TECTA: variants seen among roughly 807,000 people sequenced by gnomAD.
TECTA encodes the protein alpha-tectorin.
A neutral mutation model predicts 216.8 loss-of-function variants in TECTA; 128 were observed. That is an observed-to-expected ratio of 0.59 (90% CI 0.51 to 0.68). The LOEUF is 0.68. Ranked by LOEUF, TECTA falls within the 30% of genes least tolerant of loss-of-function variation. TECTA has a pLI of 0.00. For synonymous variants in TECTA, 1,089 were observed against 1,117.1 expected (o/e 0.97, Z 0.50); for missense variants, 2,551 against 2,786.2 (o/e 0.92, Z 1.90).
At chr11:121,180,372 G>C (rs1947214511) in intron 20 of TECTA, among the ~76,000 whole-genome samples, 1 of 152,154 alleles carries the variant, frequency 6.6e-6, no homozygotes, top group African/African-American at 2.4e-5. Context: ...CATTTTTGAA[G>C]GATAGCTTTG....
chr11:121,139,288 C>G (rs1946760854), intron 11 of TECTA, among the ~76,000 whole-genome samples: 1 of 152,256 alleles, frequency 6.6e-6, no homozygotes, highest in East Asian at 1.9e-4. Flanking sequence ...AAAGTGTTCT[C>G]ACTTCTAATC....
intron 6 of TECTA, among the ~76,000 whole-genome samples, chr11:121,114,393 C>T (rs374684371): frequency 7.6e-4 from 115 of 152,302 alleles, no homozygotes; most frequent in African/African-American, 2.6e-3. Context: ...TTTAGATGTG[C>T]AAACTCACCA....
At chr11:121,144,111 A>G (rs1271518353) in intron 11 of TECTA, among the ~76,000 whole-genome samples, 1 of 152,166 alleles carries the variant, frequency 6.6e-6, no homozygotes, top group Non-Finnish European at 1.5e-5. Flanking sequence ...GGAATGTCAC[A>G]GCTTGGTTCA....
intron 7 of TECTA, among the ~76,000 whole-genome samples, chr11:121,119,562 A>G (rs994175768): frequency 1.3e-5 from 2 of 152,226 alleles, no homozygotes; most frequent in Admixed American, 1.3e-4. Context: ...CCTTGTTGCA[A>G]CCGTGTATTT....
intron 21 of TECTA, 139 bp downstream of exon 21, chr11:121,188,133 C>A: frequency 2.3e-6 from 2 of 853,742 alleles, no homozygotes; most frequent in Non-Finnish European, 3.7e-6. Context: ...TTTGATGGGA[C>A]AGTGAGAGAA....
chr11:121,109,280 A>C lies in TECTA; in HGVS notation c.268A>C (p.Thr90Pro). 6.2e-7 allele frequency: 1 copy of C among 1,614,164 alleles called. No individual in the cohort carries two copies. Among genetic ancestry groups the C allele is most frequent in the Non-Finnish European group, 8.5e-7 (1 of 1,180,018 alleles). Reference protein sequence around the residue: ...SQFTPESFPLTDGRAFVAPFW... With the variant: ...SQFTPESFPLPDGRAFVAPFW... ...GTTCACGCCAGAATCCTTTCCCCTGACAGATGGGAGAGCCTTCGTCGCCCC... is the reference window on the plus strand; with the variant it reads ...GTTCACGCCAGAATCCTTTCCCCTGCCAGATGGGAGAGCCTTCGTCGCCCC... The change falls in exon 4 of 24, where the codon ACA (threonine) becomes CCA (proline). Residue 90 changes from threonine to proline, a missense_variant. Transcript: ENST00000392793.
intron 11 of TECTA, among the ~76,000 whole-genome samples, chr11:121,139,103 T>C (rs1221152334): frequency 6.6e-6 from 1 of 152,226 alleles, no homozygotes; most frequent in Non-Finnish European, 1.5e-5. Flanking sequence ...TTCATGTTTA[T>C]TGGAAGTCTG....
chr11:121,170,072 T>A (rs1591465171), intron 20 of TECTA, among the ~76,000 whole-genome samples: 2 of 152,208 alleles, frequency 1.3e-5, no homozygotes, highest in Non-Finnish European at 1.5e-5. Context: ...ATCAACTTTT[T>A]AAGCTCCCAC....
intron 20 of TECTA, among the ~76,000 whole-genome samples, chr11:121,171,411 C>T (rs1210772230): frequency 6.6e-6 from 1 of 151,982 alleles, no homozygotes; most frequent in Non-Finnish European, 1.5e-5. Flanking sequence ...TATTCAGGGT[C>T]TATTGTGGCT....
chr11:121,109,080 T>G, intron 3 of TECTA, 131 bp from the exon 4 acceptor site: 4 of 959,366 alleles, frequency 4.2e-6, no homozygotes, highest in Non-Finnish European at 6.3e-6. Flanking sequence ...AACCCGGTGT[T>G]TGGGGGTTCT....
intron 10 of TECTA, 116 bp from the exon 11 acceptor site, chr11:121,137,305 C>G: frequency 7.3e-7 from 1 of 1,367,328 alleles, no homozygotes. Flanking sequence ...CATGCATGCA[C>G]ACACGCACAT....
chr11:121,111,916 G>A (rs1946445847), intron 4 of TECTA, among the ~76,000 whole-genome samples: 1 of 152,194 alleles, frequency 6.6e-6, no homozygotes, highest in African/African-American at 2.4e-5. Flanking sequence ...AAAAAGGGCT[G>A]TTCTTACTCA....
chr11:121,189,518 T>C (rs1477367461), intron 22 of TECTA, among the ~76,000 whole-genome samples: 3 of 151,978 alleles, frequency 2.0e-5, no homozygotes, highest in African/African-American at 7.2e-5. Flanking sequence ...GGACTACAGG[T>C]GCCCGCCCCC....
Position 121,162,341 on chromosome 11 carries a change from G to A in TECTA, c.5243G>A (p.Ser1748Asn). The change falls in exon 16 of 24, where the codon AGC becomes AAC. Residue 1748 changes from serine to asparagine, a missense_variant. Ser to Asn is a conservative substitution (Grantham distance 46). Around this residue, in one of 3 missense-constraint regions of TECTA, gnomAD observed 2,375 missense variants for 2,563.9 expected, o/e 0.93. Coordinates refer to ENST00000392793, the MANE Select transcript of TECTA (RefSeq NM_005422.4). ...GCCTGCCGCTCCTTCGGGATCCTTA[G>A]CACCGAGTGGATTGAGAAGGAGAAT... ...GEACRSFGIL[S>N]TEWIEKENCS... 1 of 1,613,524 alleles carries A rather than the reference G, an allele frequency of 6.2e-7. No homozygotes were observed. Among genetic ancestry groups the A allele is most frequent in the Non-Finnish European group, 8.5e-7 (1 of 1,180,048 alleles).
intron 10 of TECTA, 101 bp from the exon 11 acceptor site, chr11:121,137,320 T>G: frequency 6.6e-7 from 1 of 1,506,148 alleles, no homozygotes; most frequent in Non-Finnish European, 9.2e-7. Flanking sequence ...GCACATGCAC[T>G]CACAAACACA....
At chr11:121,141,933 G>C (rs1163226487) in intron 11 of TECTA, among the ~76,000 whole-genome samples, 1 of 152,246 alleles carries the variant, frequency 6.6e-6, no homozygotes, top group Non-Finnish European at 1.5e-5. Context: ...TGGAGGGTGT[G>C]AGAGCACAGA....
At chr11:121,151,079 G>A (rs1445277178) in intron 12 of TECTA, among the ~76,000 whole-genome samples, 1 of 152,128 alleles carries the variant, frequency 6.6e-6, no homozygotes, top group Non-Finnish European at 1.5e-5. Flanking sequence ...GAGAACAAGA[G>A]GATCAACCTC....
intron 4 of TECTA, 133 bp downstream of exon 4, chr11:121,109,631 G>A: frequency 9.0e-7 from 1 of 1,115,522 alleles, no homozygotes; most frequent in Non-Finnish European, 1.3e-6. Context: ...AATGAGTTTT[G>A]CTACCCACTT....
chr11:121,162,133 A>C lies in TECTA; in HGVS notation c.5035A>C (p.Asn1679His). Residue 1679 changes from asparagine to histidine, a missense_variant, in exon 16 of 24, where the codon AAT (asparagine) becomes CAT (histidine). Coordinates refer to ENST00000392793, the MANE Select transcript of TECTA (RefSeq NM_005422.4). ...CTCACAGTATGCAGCCATGTGTGAC[A>C]ATGTGCACATCCAGAAGATGCAGGG... ...QFSQYAAMCD[N>H]VHIQKMQGDG... 3 of 1,614,168 alleles carry C rather than the reference A, an allele frequency of 1.9e-6. No homozygotes were observed. Among genetic ancestry groups the C allele is most frequent in the Non-Finnish European group, 2.5e-6 (3 of 1,180,042 alleles).
Sources: allele counts gnomAD v4.1 joint callset (sites outside exome capture counted in the v4.1 genomes callset), GRCh38; gene constraint gnomAD v4.1.1; regional missense constraint gnomAD v4.1.1; transcripts MANE v1.5; gene names NCBI Gene and HGNC (gene_info 2026-07-23, HGNC 2026-07-21).